The following KLF17 variants were observed in gnomAD, a reference collection of about 807,000 sequenced individuals.
KLF17 encodes Krueppel-like factor 17.
A neutral mutation model predicts 34.2 loss-of-function variants in KLF17; 31 were observed. The observed-to-expected ratio is 0.91, with a 90% confidence interval of 0.68 to 1.22. The LOEUF (loss-of-function observed/expected upper bound fraction) is 1.22, where lower values mean the gene tolerates loss of function less well. KLF17 is among the 50% of genes most tolerant of loss of function. KLF17 has a pLI of 0.00. For synonymous variants in KLF17, 179 were observed against 186.7 expected (o/e 0.96, Z 0.34); for missense variants, 478 against 505.2 (o/e 0.95, Z 0.52).
At chr1:44,047,373 C>T in the KLF17 span, among the ~76,000 whole-genome samples, 74 of 152,098 alleles carry the variant, frequency 4.9e-4, no homozygotes, top group Admixed American at 3.7e-3. Context: ...AAGCACTGGT[C>T]CTGGGGTAAA....
chr1:44,100,956 A>C, the KLF17 span, among the ~76,000 whole-genome samples: 1 of 152,180 alleles, frequency 6.6e-6, no homozygotes, highest in South Asian at 2.1e-4. Flanking sequence ...AGTTGCAAAG[A>C]ATATAATTTC....
chr1:44,127,064 T>TTG (rs35220753), intron 1 of KLF17, among the ~76,000 whole-genome samples: 25 of 60,714 alleles, frequency 4.1e-4, no homozygotes, highest in Non-Finnish European at 6.9e-4. Flanking sequence ...GCCTGGCTTG[T>TTG]TTTTTTTTTT....
At chr1:44,044,962 G>A in the KLF17 span, 1 of 152,104 alleles carries the variant, frequency 6.6e-6, no homozygotes. Context: ...CTGATGTCAT[G>A]TCAGTTTAAT....
At chr1:44,062,742 C>T in the KLF17 span, among the ~76,000 whole-genome samples, 1 of 151,048 alleles carries the variant, frequency 6.6e-6, no homozygotes, top group Non-Finnish European at 1.5e-5. Flanking sequence ...AATCATGTAT[C>T]TCCATGTCAA....
chr1:44,112,940 C>CCAT, the KLF17 span, among the ~76,000 whole-genome samples: 4 of 152,308 alleles, frequency 2.6e-5, no homozygotes, highest in Middle Eastern at 3.4e-3. Context: ...CTTAGATGCT[C>CCAT]CCCTTTTCAT....
At chr1:44,065,372 T>C in the KLF17 span, among the ~76,000 whole-genome samples, 1 of 150,728 alleles carries the variant, frequency 6.6e-6, no homozygotes, top group African/African-American at 2.4e-5. Context: ...GTCGGCATAA[T>C]AGTATTCATA....
At chr1:44,102,059 A>AAAC in the KLF17 span, among the ~76,000 whole-genome samples, 2 of 152,040 alleles carry the variant, frequency 1.3e-5, no homozygotes, top group African/African-American at 4.8e-5. Flanking sequence ...ACAAACAAAC[A>AAAC]AACAAAAGAG....
At chr1:44,058,596 G>A in the KLF17 span, among the ~76,000 whole-genome samples, 7 of 147,274 alleles carry the variant, frequency 4.8e-5, no homozygotes, top group Admixed American at 1.4e-4. Context: ...GCCTCCCATC[G>A]CCCTTTTATA....
the KLF17 span, among the ~76,000 whole-genome samples, chr1:44,082,759 C>T: frequency 2.6e-5 from 4 of 152,042 alleles, no homozygotes; most frequent in Non-Finnish European, 5.9e-5. Context: ...AGGGGAAGAT[C>T]CTTATTACCT....
the KLF17 span, among the ~76,000 whole-genome samples, chr1:44,112,631 C>T: frequency 6.6e-6 from 1 of 152,068 alleles, no homozygotes; most frequent in Admixed American, 6.6e-5. Flanking sequence ...TGGTCTGGAG[C>T]TCCTGGGCTC....
chr1:44,105,336 A>T, the KLF17 span: 1 of 151,712 alleles, frequency 6.6e-6, no homozygotes, highest in South Asian at 2.1e-4. Flanking sequence ...TTTTAAAAAC[A>T]TTAAAACTTT....
At chr1:44,047,033 A>T in the KLF17 span, among the ~76,000 whole-genome samples, 1 of 151,944 alleles carries the variant, frequency 6.6e-6, no homozygotes, top group Admixed American at 6.6e-5. Context: ...TCTCAAAAAA[A>T]AAAAAAAAAA....
At chr1:44,126,663 C>T (rs1163031921) in intron 1 of KLF17, among the ~76,000 whole-genome samples, 2 of 152,060 alleles carry the variant, frequency 1.3e-5, no homozygotes, top group Non-Finnish European at 1.5e-5. Flanking sequence ...TTTTCTGGCA[C>T]GAAATGTACC....
chr1:44,083,016 A>G, the KLF17 span, among the ~76,000 whole-genome samples: 1 of 145,200 alleles, frequency 6.9e-6, no homozygotes, highest in African/African-American at 2.6e-5. Context: ...ATCATAGGCC[A>G]CTATACCTTC....
chr1:44,046,235 A>G, the KLF17 span: 23 of 146,246 alleles, frequency 1.6e-4, no homozygotes, highest in Admixed American at 1.2e-3. Flanking sequence ...TTTTTTTGAG[A>G]CAGAGTCTCA....
At chr1:44,127,752 T>TTCTTTCTTTCTTCTCTTC (rs2088043723) in intron 1 of KLF17, among the ~76,000 whole-genome samples, 4 of 147,740 alleles carry the variant, frequency 2.7e-5, no homozygotes. Context: ...TTCTTCTCTT[T>TTCTTTCTTTCTTCTCTTC]TCTTTCTTTC....
At chr1:44,083,491 A>G in the KLF17 span, among the ~76,000 whole-genome samples, 1 of 152,140 alleles carries the variant, frequency 6.6e-6, no homozygotes, top group African/African-American at 2.4e-5. Context: ...TCTTAAGGCT[A>G]AAAGCTCATG....
the KLF17 span, among the ~76,000 whole-genome samples, chr1:44,098,767 G>A: frequency 6.6e-6 from 1 of 151,880 alleles, no homozygotes; most frequent in Non-Finnish European, 1.5e-5. Flanking sequence ...AGCCAAGATG[G>A]TCTTGATCTC....
chr1:44,078,736 G>T, the KLF17 span, among the ~76,000 whole-genome samples: 1 of 151,962 alleles, frequency 6.6e-6, no homozygotes, highest in African/African-American at 2.4e-5. Context: ...GTGCCCGGCC[G>T]CTTTTCCTTC....
Sources: allele counts gnomAD v4.1 joint callset (sites outside exome capture counted in the v4.1 genomes callset), GRCh38; gene constraint gnomAD v4.1.1; transcripts MANE v1.5; gene names NCBI Gene and HGNC (gene_info 2026-07-23, HGNC 2026-07-21).